Variants in KIF5C observed in about 807,000 individuals in gnomAD.
KIF5C encodes kinesin family member 5C, also known as kinesin heavy chain isoform 5C.
KIF5C carries 18 observed loss-of-function variants against 125.2 expected under a neutral mutation model. The observed-to-expected ratio is 0.14, with a 90% confidence interval of 0.10 to 0.21. The LOEUF (loss-of-function observed/expected upper bound fraction) is 0.21, where lower values mean the gene tolerates loss of function less well. Ranked by LOEUF, KIF5C falls within the 10% of genes least tolerant of loss-of-function variation. KIF5C has a pLI of 1.00. For missense variants in KIF5C, 780 were observed against 1,183.8 expected, an observed-to-expected ratio of 0.66 and a Z score of 5.01; for synonymous variants, 405 against 434.0, an observed-to-expected ratio of 0.93 and a Z score of 0.83.
chr2:148,923,221 A>G (rs1681859047), intron 2 of KIF5C, among the ~76,000 whole-genome samples: 1 of 152,226 alleles, frequency 6.6e-6, no homozygotes, highest in Non-Finnish European at 1.5e-5. Context: ...GAAGCTGACT[A>G]ACCTAAGTAT....
rs1681162626 is a variant in KIF5C, at chr2:148,875,732, G to A, written c.115G>A (p.Val39Met). ...CCCCAAATTTAAAGGCGATGAGACC[G>A]TGGTGATCGGGGTAAGTGGCTGGGG... ...FIPKFKGDET[V>M]VIGQGKPYVF... Residue 39 changes from valine (V) to methionine (M), a missense_variant, in exon 1 of 26, where the codon GTG (valine) becomes ATG (methionine). Coordinates refer to ENST00000435030, the MANE Select transcript of KIF5C (RefSeq NM_004522.3). The A allele has an allele frequency of 6.2e-7, 1 of 1,604,780 alleles. No homozygotes were observed.
At chr2:148,984,851 C>T (rs779383273) in intron 15 of KIF5C, among the ~76,000 whole-genome samples, 11 of 152,144 alleles carry the variant, frequency 7.2e-5, no homozygotes, top group African/African-American at 1.9e-4. Flanking sequence ...AGTGCAGTGG[C>T]GCAATCTCAG....
chr2:148,954,818 C>T (rs1417419142), intron 10 of KIF5C, among the ~76,000 whole-genome samples: 1 of 152,176 alleles, frequency 6.6e-6, no homozygotes, highest in Non-Finnish European at 1.5e-5. Context: ...GTCACCAGAA[C>T]ATGAGAACAC....
rs951612204 is a variant in KIF5C, at chr2:149,021,672, G to A, written c.*8-1406G>A. On this transcript the variant is annotated intron_variant, in intron 25 of 25. Transcript: ENST00000435030. Reference sequence around the variant, plus strand: ...AAATGTTGATATAAGCCTTCTAGAGGCAAAACAGAAAGCATAATGCATAAT... The same window carrying A: ...AAATGTTGATATAAGCCTTCTAGAGACAAAACAGAAAGCATAATGCATAAT... Among the ~76,000 whole-genome samples, 4 of 150,234 alleles carry A rather than the reference G, an allele frequency of 2.7e-5. No individual in the cohort carries two copies. In the East Asian group the frequency reaches 7.7e-4, roughly 29 times the overall value.
At chr2:148,968,828 A>G (rs1467082480) in intron 11 of KIF5C, among the ~76,000 whole-genome samples, 1 of 152,000 alleles carries the variant, frequency 6.6e-6, no homozygotes, top group Admixed American at 6.6e-5. Flanking sequence ...GCTCTCACCC[A>G]TCTGGCAACT....
rs762298472 is a variant in KIF5C, at chr2:149,000,751, G to C, written c.2342G>C (p.Arg781Thr). 9.3e-6 allele frequency: 15 copies of C among 1,613,892 alleles called. No homozygotes were observed. Among genetic ancestry groups the C allele is most frequent in the Middle Eastern group, 3.3e-4 (2 of 6,084 alleles). ...LLLNDKREQAREDLKGLEETV... is the reference protein window; with the variant it reads ...LLLNDKREQATEDLKGLEETV... ...CTCAACGATAAAAGGGAACAAGCCA[G>C]AGAAGACCTCAAAGGGCTGGAGGAG... Residue 781 changes from arginine to threonine, a missense_variant, in exon 21 of 26, where the codon AGA becomes ACA. This residue lies in a region of KIF5C where 573 missense variants were observed against 742.6 expected (regional missense o/e 0.77). Coordinates refer to ENST00000435030, the MANE Select transcript of KIF5C (RefSeq NM_004522.3).
intron 12 of KIF5C, among the ~76,000 whole-genome samples, chr2:148,975,787 C>T (rs1249506433): frequency 1.3e-5 from 2 of 152,216 alleles, no homozygotes; most frequent in Non-Finnish European, 1.5e-5. Context: ...AATGCTGAGT[C>T]CTGGGCTGGC....
intron 1 of KIF5C, among the ~76,000 whole-genome samples, chr2:148,916,882 T>C (rs1486003430): frequency 1.3e-5 from 2 of 152,204 alleles, no homozygotes; most frequent in East Asian, 3.8e-4. Flanking sequence ...GGCACACATC[T>C]GCTGCCTACC....
chr2:148,985,846 G>A (rs1191483812), intron 15 of KIF5C, among the ~76,000 whole-genome samples: 2 of 152,158 alleles, frequency 1.3e-5, no homozygotes, highest in Admixed American at 6.6e-5. Context: ...GTACATGACC[G>A]CTCGTAAATG....
rs1682678533 is a variant in KIF5C at position 149,026,022 on chromosome 2, T to C, written c.*2952T>C. ...TCTAGAATGTAGCATCTAGTGACTT[T>C]TTAAAGCCCTAACGTTTACATAAAG... On this transcript the variant is annotated 3_prime_UTR_variant, in exon 26 of 26. Coordinates refer to ENST00000435030, the MANE Select transcript of KIF5C (RefSeq NM_004522.3). 1 of 152,672 alleles carries C rather than the reference T, an allele frequency of 6.5e-6. No homozygotes were observed. The highest frequency in any genetic ancestry group is 6.5e-5 in the Admixed American group (1 of 15,282). 9.5% of individuals were successfully genotyped at this position (152,672 alleles called of 1,614,324 possible). A position where few individuals can be genotyped will look rare whatever the true frequency, so the allele number is the denominator to read the frequency against.
At position 148,978,845 on chromosome 2, in the gene KIF5C, G is replaced by A. The variant is rs944219849; in HGVS notation, c.1294-77G>A. ...CCTTCTTATCAGCAAGCTTATGGTA[G>A]CTGCCTGTCACTGGGAGACTGGGAT... On this transcript the variant is annotated intron_variant, in intron 12 of 25. Transcript: ENST00000435030. The A allele has an allele frequency of 2.0e-6, 3 of 1,482,206 alleles. No individual in the cohort carries two copies. The African/African-American group carries it at 4.2e-5, about 21-fold the overall frequency. 91.8% of individuals were successfully genotyped at this position (1,482,206 alleles called of 1,614,324 possible). A position where few individuals can be genotyped will look rare whatever the true frequency, so the allele number is the denominator to read the frequency against.
Position 149,010,207 on chromosome 2 carries a change from C to T in KIF5C, c.2623C>T (p.Arg875Cys), listed in dbSNP as rs1310431752. The part of the protein sequence containing the change: ...LEKRLRATAE[R>C]VKALESALKE... ...GAAGCGGCTGCGTGCCACGGCGGAG[C>T]GCGTCAAGGCTCTGGAGAGCGCGCT... Residue 875 changes from arginine to cysteine, a missense_variant, in exon 24 of 26, where the codon CGC becomes TGC. By Grantham distance (180) the Arg-to-Cys change is radical. Coordinates refer to ENST00000435030, the MANE Select transcript of KIF5C (RefSeq NM_004522.3). 3.2e-6 allele frequency: 5 copies of T among 1,559,756 alleles called. No individual in the cohort carries two copies. Among genetic ancestry groups the T allele is most frequent in the South Asian group, 1.2e-5 (1 of 84,350 alleles).
rs533785428 is a variant in KIF5C, at chr2:149,011,630, G to A, written c.2828G>A (p.Arg943Gln). ...ASSPTAVHAI[R>Q]GGGGSSSNST... ...TCTCCAACGGCCGTCCATGCCATTC[G>A]AGGGGGAGGAGGCAGCTCTTCAAAT... is the stretch of plus-strand genomic sequence containing the variant. The change falls in exon 25 of 26, where the codon CGA (arginine) becomes CAA (glutamine). Residue 943 changes from arginine (R) to glutamine (Q), a missense_variant. Arg to Gln is a conservative substitution (Grantham distance 43). This residue lies in a region of KIF5C where 573 missense variants were observed against 742.6 expected (regional missense o/e 0.77). Coordinates refer to ENST00000435030, the MANE Select transcript of KIF5C (RefSeq NM_004522.3). 9.4e-5 allele frequency: 152 copies of A among 1,614,046 alleles called. No individual in the cohort carries two copies. The highest frequency in any genetic ancestry group is 4.7e-4 in the Admixed American group (28 of 60,030).
intron 3 of KIF5C, among the ~76,000 whole-genome samples, chr2:148,935,492 G>T (rs565918343): frequency 6.6e-6 from 1 of 152,300 alleles, no homozygotes; most frequent in South Asian, 2.1e-4. Context: ...CATAGGTATT[G>T]TTTCTGCCAA....
intron 15 of KIF5C, among the ~76,000 whole-genome samples, chr2:148,987,539 G>A (rs978219388): frequency 1.6e-4 from 25 of 152,264 alleles, no homozygotes; most frequent in Admixed American, 1.4e-3. Context: ...TTTAACCCTT[G>A]GGGAAGAAAG....
In KIF5C at chr2:148,947,259, G is replaced by C. The variant is rs997833016; in HGVS notation, c.714+236G>C. Reference sequence around the variant, plus strand: ...TGCATGCCAACTCTGATTTATCCCTGATGGGCCCTTATGATGATATGAGGC... The same window carrying C: ...TGCATGCCAACTCTGATTTATCCCTCATGGGCCCTTATGATGATATGAGGC... On this transcript the variant is annotated intron_variant, in intron 8 of 25. Transcript: ENST00000435030. 108 of 536,898 alleles carry C rather than the reference G, an allele frequency of 2.0e-4. 1 individual carries two copies. The South Asian group carries it at 2.9e-3, about 14-fold the overall frequency. The allele number at this position is 536,898 out of a possible 1,614,324, so 33.3% of individuals were successfully genotyped here. A position where few individuals can be genotyped will look rare whatever the true frequency, so the allele number is the denominator to read the frequency against.
At chr2:149,018,566 C>T (rs1405772337) in intron 25 of KIF5C, among the ~76,000 whole-genome samples, 2 of 152,164 alleles carry the variant, frequency 1.3e-5, no homozygotes, top group Non-Finnish European at 2.9e-5. Flanking sequence ...TGGTGGCTCA[C>T]GCCTATAATC....
intron 1 of KIF5C, among the ~76,000 whole-genome samples, chr2:148,880,193 T>C (rs1248216685): frequency 1.3e-5 from 2 of 152,200 alleles, no homozygotes; most frequent in African/African-American, 4.8e-5. Flanking sequence ...TGACCCTGGC[T>C]TATCGCAACC....
chr2:149,010,540 G>A (rs762991966), intron 24 of KIF5C, among the ~76,000 whole-genome samples, 189 bp downstream of exon 24: 2 of 152,250 alleles, frequency 1.3e-5, no homozygotes, highest in African/African-American at 2.4e-5. Context: ...AGGCGCCCCC[G>A]TTATCCTACT....
Sources: gnomAD v4.1 joint callset for allele counts (sites outside exome capture counted in the v4.1 genomes callset) on GRCh38, gnomAD v4.1.1 for gene constraint, gnomAD v4.1.1 regional missense constraint, MANE v1.5 for transcripts, NCBI Gene and HGNC (gene_info 2026-07-23, HGNC 2026-07-21) for gene names.